The following PAK1IP1 variants were observed in gnomAD, a reference collection of about 807,000 sequenced individuals.
The protein encoded by PAK1IP1 is PAK1 interacting protein 1.
PAK1IP1 carries 24 observed loss-of-function variants against 42.0 expected under a neutral mutation model. The ratio of observed to expected loss-of-function variants is 0.57; its 90% confidence interval spans 0.41 to 0.80. The LOEUF (loss-of-function observed/expected upper bound fraction) is 0.80, where lower values mean the gene tolerates loss of function less well. Among genes scored for constraint, PAK1IP1 ranks in the 30% least tolerant of loss-of-function variants. The pLI is 0.00. For missense variants in PAK1IP1, 411 were observed against 467.9 expected (o/e 0.88, Z 1.12); for synonymous variants, 154 against 156.7 (o/e 0.98, Z 0.13).
upstream of PAK1IP1, chr6:10,694,585 C>CGA: frequency 1.1e-5 from 2 of 186,522 alleles, no homozygotes; most frequent in South Asian, 8.1e-5. Context: ...ACGCTGCCGG[C>CGA]GCTACAGCCC....
intron 7 of PAK1IP1, 51 bp downstream of exon 7, chr6:10,704,895 T>C: frequency 1.9e-6 from 2 of 1,079,018 alleles, no homozygotes; most frequent in Non-Finnish European, 2.9e-6. Context: ...AAAAGGTATA[T>C]ATGCAGTAGT....
chr6:10,705,940 C>T (rs1770189617), intron 7 of PAK1IP1, among the ~76,000 whole-genome samples: 1 of 152,156 alleles, frequency 6.6e-6, no homozygotes, highest in Non-Finnish European at 1.5e-5. Flanking sequence ...GTCGCCCATT[C>T]CAGATGTACT....
upstream of PAK1IP1, chr6:10,694,624 C>G: frequency 5.2e-6 from 1 of 191,732 alleles, no homozygotes; most frequent in Non-Finnish European, 1.1e-5. Flanking sequence ...GTCGGCCCCA[C>G]CTCCTCCTGA....
At chr6:10,706,434 C>CT (rs34542950) in intron 7 of PAK1IP1, among the ~76,000 whole-genome samples, 2,453 of 152,196 alleles carry the variant, frequency 0.016, 53 homozygotes, top group East Asian at 0.045. Flanking sequence ...GGTGCTAACT[C>CT]TTTAAGACCC....
chr6:10,708,520 A>G (rs1380230771), intron 8 of PAK1IP1, among the ~76,000 whole-genome samples: 1 of 151,630 alleles, frequency 6.6e-6, no homozygotes, highest in African/African-American at 2.4e-5. Flanking sequence ...TTTTGTGTGG[A>G]TATATGTTTT....
upstream of PAK1IP1, chr6:10,694,635 T>G (rs1223913320): frequency 9.4e-6 from 2 of 213,246 alleles, no homozygotes; most frequent in African/African-American, 2.3e-5. Flanking sequence ...CTCCTCCTGA[T>G]GTCACGGAAA....
chr6:10,694,858 G>T (rs758545104), upstream of PAK1IP1: 9 of 672,924 alleles, frequency 1.3e-5, no homozygotes, highest in African/African-American at 1.6e-4. Flanking sequence ...GGCAGCCCTG[G>T]AGCCTGACGT....
At chr6:10,692,366 A>C (rs1769397098), upstream of PAK1IP1, among the ~76,000 whole-genome samples, 1 of 152,218 alleles carries the variant, frequency 6.6e-6, no homozygotes, top group Admixed American at 6.5e-5. Context: ...TACACATTAC[A>C]AAAAAAGTAA....
chr6:10,697,138 T>A (rs552202703), intron 1 of PAK1IP1, among the ~76,000 whole-genome samples, 186 bp from the exon 2 acceptor site: 1 of 152,180 alleles, frequency 6.6e-6, no homozygotes, highest in Non-Finnish European at 1.5e-5. Context: ...AAACTACATG[T>A]CATTTTGTAG....
At chr6:10,700,805 C>T (rs1303880672) in intron 2 of PAK1IP1, among the ~76,000 whole-genome samples, 1 of 152,046 alleles carries the variant, frequency 6.6e-6, no homozygotes, top group Non-Finnish European at 1.5e-5. Flanking sequence ...TTGTATAAAT[C>T]CTTTTTTTCT....
chr6:10,701,461 C>T (rs1049423878), intron 2 of PAK1IP1, among the ~76,000 whole-genome samples: 11 of 152,234 alleles, frequency 7.2e-5, no homozygotes, highest in Non-Finnish European at 1.5e-4. Flanking sequence ...GACATGATCT[C>T]ATTCCTTTTT....
In PAK1IP1 at chr6:10,707,367, A is replaced by T. The variant is rs79631390; in HGVS notation, c.741-48A>T. The T allele has an allele frequency of 4.0e-3, 4,053 of 1,023,322 alleles. 98 individuals are homozygous for T. In the African/African-American group the frequency reaches 0.054, roughly 14 times the overall value. 63.4% of individuals were successfully genotyped at this position (1,023,322 alleles called of 1,614,324 possible). ...GTGTGTAATTTTATAACAATATTAG[A>T]CTATTTGGAGGAAAAGATCTTTTAT... is the stretch of plus-strand genomic sequence containing the variant. On this transcript the variant is annotated intron_variant, in intron 7 of 9. Coordinates refer to ENST00000379568, the MANE Select transcript of PAK1IP1 (RefSeq NM_017906.3).
At chr6:10,699,200 C>CAAAAAAAA (rs796680429) in intron 2 of PAK1IP1, among the ~76,000 whole-genome samples, 1 of 55,402 alleles carries the variant, frequency 1.8e-5, no homozygotes, top group African/African-American at 5.0e-5. Flanking sequence ...GACTCTGTCT[C>CAAAAAAAA]AAAAAAAAAA....
chr6:10,694,632 T>A, upstream of PAK1IP1: 1 of 212,012 alleles, frequency 4.7e-6, no homozygotes, highest in African/African-American at 2.3e-5. Context: ...CACCTCCTCC[T>A]GATGTCACGG....
chr6:10,695,361 C>T (rs1466433128), intron 1 of PAK1IP1, among the ~76,000 whole-genome samples: 1 of 152,156 alleles, frequency 6.6e-6, no homozygotes, highest in Non-Finnish European at 1.5e-5. Flanking sequence ...AAGGATCGAT[C>T]CCATAAGTTG....
intron 2 of PAK1IP1, 43 bp downstream of exon 2, chr6:10,697,529 C>G (rs753746575): frequency 7.0e-7 from 1 of 1,421,174 alleles, no homozygotes; most frequent in Non-Finnish European, 9.7e-7. Flanking sequence ...TAGAGGTTTT[C>G]TTTACAATTT....
intron 7 of PAK1IP1, among the ~76,000 whole-genome samples, chr6:10,706,238 AAG>A (rs765522887): frequency 3.7e-4 from 57 of 152,070 alleles, no homozygotes; most frequent in Non-Finnish European, 7.5e-4. Flanking sequence ...TAGTTTTAAA[AAG>A]AGAGAGGCAC....
chr6:10,696,387 A>G (rs554004300), intron 1 of PAK1IP1, among the ~76,000 whole-genome samples: 1 of 152,318 alleles, frequency 6.6e-6, no homozygotes, highest in African/African-American at 2.4e-5. Flanking sequence ...ACACATGTTC[A>G]AAGAAGTTTG....
rs115606516 is a variant in PAK1IP1, at chr6:10,698,521, T to C, written c.247+1035T>C. On this transcript the variant is annotated intron_variant, in intron 2 of 9. Transcript: ENST00000379568. Reference sequence around the variant, plus strand: ...AGTTCCGGATTATGAGAAGGTTAAATTGGGAGTTTGAGGGGCTAGAGAAGT... The same window carrying C: ...AGTTCCGGATTATGAGAAGGTTAAACTGGGAGTTTGAGGGGCTAGAGAAGT... 5.8e-3 allele frequency among the ~76,000 whole-genome samples: 879 copies of C among 152,230 alleles called. 8 individuals are homozygous for C. Among genetic ancestry groups the C allele is most frequent in the African/African-American group, 0.02 (834 of 41,538 alleles).
Sources: allele counts gnomAD v4.1 joint callset (sites outside exome capture counted in the v4.1 genomes callset), GRCh38; gene constraint gnomAD v4.1.1; transcripts MANE v1.5; gene names NCBI Gene and HGNC (gene_info 2026-07-23, HGNC 2026-07-21).